The following RHPN1 variants were observed in gnomAD, a reference collection of about 807,000 sequenced individuals.
RHPN1 encodes the protein rhophilin-1.
RHPN1 carries 77 observed loss-of-function variants against 74.7 expected under a neutral mutation model. The observed-to-expected ratio is 1.03, with a 90% CI of 0.86 to 1.25. The LOEUF (loss-of-function observed/expected upper bound fraction) is 1.25, where lower values mean the gene tolerates loss of function less well. Among genes scored for constraint, RHPN1 ranks in the 50% most tolerant of loss-of-function variants. RHPN1 has a pLI of 0.00. For synonymous variants in RHPN1, 444 were observed against 414.5 expected (o/e 1.07, Z -0.87); for missense variants, 987 against 932.2 (o/e 1.06, Z -0.77).
Position 143,379,887 on chromosome 8 carries a change from A to G in RHPN1, c.1004A>G (p.Tyr335Cys). The G allele has an allele frequency of 1.9e-6, 3 of 1,610,184 alleles. No homozygotes were observed. The highest frequency in any genetic ancestry group is 1.3e-5 in the African/African-American group (1 of 74,956). ...RTMAQPPVHD[Y>C]VPVSWTALVH... Reference sequence around the variant, plus strand: ...ATGGCCCAGCCACCCGTCCACGACTACGTGCCTGTCTCCTGGACTGCCCTG... The same window carrying G: ...ATGGCCCAGCCACCCGTCCACGACTGCGTGCCTGTCTCCTGGACTGCCCTG... The change falls in exon 9 of 15, where the codon TAC becomes TGC. Residue 335 changes from tyrosine (Y) to cysteine (C), a missense_variant. Transcript: ENST00000289013.
At chr8:143,368,659 C>A (rs907326233), upstream of RHPN1, 2 of 200,944 alleles carry the variant, frequency 1.0e-5, no homozygotes, top group Non-Finnish European at 2.0e-5. Flanking sequence ...GCGGGCGTTC[C>A]GGCCGCGGTT....
At chr8:143,381,175 G>T (rs1818697048) in intron 11 of RHPN1, 93 bp from the exon 12 acceptor site, 1 of 1,073,216 alleles carries the variant, frequency 9.3e-7, no homozygotes, top group South Asian at 1.5e-5. Context: ...AGCGGGGCCT[G>T]TGTGCACTCA....
At chr8:143,376,764 CTG>C (rs373671345) in intron 3 of RHPN1, 111 bp downstream of exon 3, 19,122 of 1,256,746 alleles carry the variant, frequency 0.015, 231 homozygotes, top group South Asian at 0.04. Context: ...TGTGCATTGT[CTG>C]TGTGTGTGCG....
intron 8 of RHPN1, 157 bp from the exon 9 acceptor site, chr8:143,379,672 G>A (rs943219880): frequency 8.1e-6 from 8 of 985,262 alleles, no homozygotes; most frequent in African/African-American, 3.5e-5. Flanking sequence ...CTGGGGACCC[G>A]AGCCTCTGCC....
At chr8:143,368,861 G>C (rs1019309895), upstream of RHPN1, 2 of 567,026 alleles carry the variant, frequency 3.5e-6, no homozygotes, top group African/African-American at 4.0e-5. Flanking sequence ...GGGACAGTCG[G>C]GGACCGGCGC....
intron 1 of RHPN1, among the ~76,000 whole-genome samples, chr8:143,371,074 G>A (rs938249417): frequency 1.3e-5 from 2 of 152,158 alleles, no homozygotes; most frequent in African/African-American, 2.4e-5. Context: ...TGGGCTCCAG[G>A]AAGAGGGGTG....
intron 1 of RHPN1, 111 bp from the exon 2 acceptor site, chr8:143,375,442 T>C: frequency 1.5e-6 from 1 of 680,268 alleles, no homozygotes; most frequent in Admixed American, 3.1e-5. Context: ...CAGCGCATGG[T>C]GACCATCCCG....
chr8:143,379,867 C>T lies in RHPN1; in HGVS notation c.984C>T (p.Ala328=), dbSNP rs763541831. 3 of 1,611,058 alleles carry T rather than the reference C, an allele frequency of 1.9e-6. No homozygotes were observed. In the Admixed American group the frequency reaches 5.0e-5, roughly 27 times the overall value. The change falls in exon 9 of 15, where the codon GCC becomes GCT. Residue 328 remains alanine, a synonymous_variant. Coordinates refer to ENST00000289013, the MANE Select transcript of RHPN1 (RefSeq NM_052924.3). ...AEYRLVHRTM[A]QPPVHDYVPV... ...ACAGGCTAGTGCACCGGACCATGGC[C>T]CAGCCACCCGTCCACGACTACGTGC... is the stretch of plus-strand genomic sequence containing the variant.
At position 143,381,690 on chromosome 8, in the gene RHPN1, C is replaced by G. The variant is rs944788867; in HGVS notation, c.1607C>G (p.Ala536Gly). The change falls in exon 13 of 15, where the codon GCT becomes GGT. Residue 536 changes from alanine to glycine, a missense_variant. Coordinates refer to ENST00000289013, the MANE Select transcript of RHPN1 (RefSeq NM_052924.3). ...TLRGDSPVLI[A>G]AVIPGSQAAA... ...CGGGGAGACTCGCCTGTCCTCATCG[C>G]TGCCGTCATTCCAGGGAGCCAGGCC... is the stretch of plus-strand genomic sequence containing the variant. 6.2e-7 allele frequency: 1 copy of G among 1,611,486 alleles called. No individual in the cohort carries two copies. The highest frequency in any genetic ancestry group is 1.7e-4 in the Middle Eastern group (1 of 6,058).
rs775396610 is a variant in RHPN1, at chr8:143,381,985, C to T, written c.1797+17C>T. 26 of 1,559,434 alleles carry T rather than the reference C, an allele frequency of 1.7e-5. No homozygotes were observed. The African/African-American group carries it at 2.9e-4, about 17-fold the overall frequency. On this transcript the variant is annotated intron_variant, in intron 14 of 14. Transcript: ENST00000289013. ...CCCAGCTTGGTGAGCCCCTGGGGCC[C>T]CAGAGGGGCGGTCCCCAGCTTGCTG...
chr8:143,382,478 A>C lies in RHPN1; in HGVS notation c.1840A>C (p.Arg614=). Residue 614 remains arginine, a synonymous_variant, in exon 15 of 15, where the codon AGG becomes CGG. Transcript: ENST00000289013. The stretch of plus-strand genomic sequence containing the variant: ...CCTGCTGGGCCCCAGGGGGCTTCTA[A>C]GGAGCCAGAGGGAGCATGGTTGCAA... ...PVLLGPRGLL[R]SQREHGCKTP... 1 of 1,597,884 alleles carries C rather than the reference A, an allele frequency of 6.3e-7. No individual in the cohort carries two copies. Among genetic ancestry groups the C allele is most frequent in the Non-Finnish European group, 8.5e-7 (1 of 1,173,318 alleles).
chr8:143,381,178 TGC>T, intron 11 of RHPN1, 88 bp from the exon 12 acceptor site: 1 of 1,095,864 alleles, frequency 9.1e-7, no homozygotes, highest in Admixed American at 2.2e-5. Context: ...GGGGCCTGTG[TGC>T]ACTCAGGGTC....
chr8:143,369,063 G>A lies in RHPN1; in HGVS notation c.60+16G>A. ...GCGGCTGCAGGTGCGCAGAACTGGC[G>A]CGGCGGCGGGAGGAGGGGCCCGGAA... On this transcript the variant is annotated intron_variant, in intron 1 of 14. Coordinates refer to ENST00000289013, the MANE Select transcript of RHPN1 (RefSeq NM_052924.3). 1 of 1,466,054 alleles carries A rather than the reference G, an allele frequency of 6.8e-7. No homozygotes were observed. Among genetic ancestry groups the A allele is most frequent in the Non-Finnish European group, 9.0e-7 (1 of 1,116,560 alleles). 90.8% of individuals were successfully genotyped at this position (1,466,054 alleles called of 1,614,324 possible). A position where few individuals can be genotyped will look rare whatever the true frequency, so the allele number is the denominator to read the frequency against.
At position 143,380,171 on chromosome 8, in the gene RHPN1, G is replaced by A; in HGVS notation, c.1212G>A (p.Gln404=). Reference sequence around the variant, plus strand: ...CGCAGGAGCTGGAGGAGCGCAGGCAGCTTGGTAAGGCGCCCATGGGTGGAG... The same window carrying A: ...CGCAGGAGCTGGAGGAGCGCAGGCAACTTGGTAAGGCGCCCATGGGTGGAG... ...VLPQELEERR[Q]LGKAHLKRAI... is the part of the protein sequence containing the mutation. The change falls in exon 10 of 15, where the codon CAG becomes CAA. Residue 404 remains glutamine (Q), a synonymous_variant. Coordinates refer to ENST00000289013, the MANE Select transcript of RHPN1 (RefSeq NM_052924.3). The A allele has an allele frequency of 6.5e-7, 1 of 1,537,670 alleles. No individual in the cohort carries two copies. The highest frequency in any genetic ancestry group is 8.8e-7 in the Non-Finnish European group (1 of 1,142,426).
upstream of RHPN1, among the ~76,000 whole-genome samples, chr8:143,365,125 C>T (rs976479792): frequency 2.0e-5 from 3 of 152,170 alleles, no homozygotes; most frequent in African/African-American, 7.2e-5. Context: ...AGCCAGTCCC[C>T]CAAAGCCCAC....
At chr8:143,379,280 G>A in intron 7 of RHPN1, 35 bp from the exon 8 acceptor site, 1 of 1,534,750 alleles carries the variant, frequency 6.5e-7, no homozygotes, top group Non-Finnish European at 8.8e-7. Flanking sequence ...GGCAGGTACA[G>A]GGCCCTGCCT....
chr8:143,381,682 C>A lies in RHPN1; in HGVS notation c.1599C>A (p.Val533=). The part of the protein sequence containing the change: ...FGLTLRGDSP[V]LIAAVIPGSQ... Reference sequence around the variant, plus strand: ...TCACGCTTCGGGGAGACTCGCCTGTCCTCATCGCTGCCGTCATTCCAGGGA... The same window carrying A: ...TCACGCTTCGGGGAGACTCGCCTGTACTCATCGCTGCCGTCATTCCAGGGA... Residue 533 remains valine (V), a synonymous_variant, in exon 13 of 15, where the codon GTC becomes GTA. Transcript: ENST00000289013. 6.2e-7 allele frequency: 1 copy of A among 1,611,636 alleles called. No individual in the cohort carries two copies. The highest frequency in any genetic ancestry group is 8.5e-7 in the Non-Finnish European group (1 of 1,179,492).
chr8:143,372,692 C>G (rs752822282), intron 1 of RHPN1, among the ~76,000 whole-genome samples: 9 of 151,656 alleles, frequency 5.9e-5, no homozygotes, highest in Non-Finnish European at 1.0e-4. Context: ...GCTCCCTCAC[C>G]CCAGCACTCA....
intron 1 of RHPN1, among the ~76,000 whole-genome samples, chr8:143,371,588 C>G (rs535616604): frequency 2.5e-4 from 38 of 152,266 alleles, no homozygotes; most frequent in African/African-American, 8.7e-4. Context: ...CCCACTCTGG[C>G]CAGGGCCACA....
Sources: gnomAD v4.1 joint callset for allele counts (sites outside exome capture counted in the v4.1 genomes callset) on GRCh38, gnomAD v4.1.1 for gene constraint, MANE v1.5 for transcripts, NCBI Gene and HGNC (gene_info 2026-07-23, HGNC 2026-07-21) for gene names.